The following PLA2G4E variants were observed in gnomAD, a reference collection of about 807,000 sequenced individuals.
The protein encoded by PLA2G4E is phospholipase A2 group IVE.
Under a neutral mutation model 109.1 loss-of-function variants are expected in PLA2G4E, and 84 were observed. That is an observed-to-expected ratio of 0.77 (90% CI 0.65 to 0.92). The LOEUF is 0.92. Among genes scored for constraint, PLA2G4E ranks in the 40% least tolerant of loss-of-function variants. PLA2G4E has a pLI of 0.00. For missense variants in PLA2G4E, 1,057 were observed against 1,076.6 expected, an observed-to-expected ratio of 0.98 and a Z score of 0.25; for synonymous variants, 469 against 436.1, an observed-to-expected ratio of 1.08 and a Z score of -0.94.
At chr15:42,022,825 G>T (rs1318597292) in intron 1 of PLA2G4E, among the ~76,000 whole-genome samples, 1 of 152,178 alleles carries the variant, frequency 6.6e-6, no homozygotes, top group East Asian at 1.9e-4. Flanking sequence ...GGGGCCCCTG[G>T]TTTACAGAGC....
At chr15:42,014,028 G>A (rs1030330284) in intron 1 of PLA2G4E, among the ~76,000 whole-genome samples, 1 of 151,604 alleles carries the variant, frequency 6.6e-6, no homozygotes, top group Non-Finnish European at 1.5e-5. Flanking sequence ...TGTAGCTGGG[G>A]TTACAGGTGT....
intron 1 of PLA2G4E, among the ~76,000 whole-genome samples, chr15:42,043,174 ACCATGCC>A (rs1468531126): frequency 6.6e-6 from 1 of 152,130 alleles, no homozygotes; most frequent in Non-Finnish European, 1.5e-5. Context: ...TCTCCATCCC[ACCATGCC>A]CCAGATTCAG....
At chr15:42,030,880 A>G (rs1449292477) in intron 1 of PLA2G4E, among the ~76,000 whole-genome samples, 1 of 152,218 alleles carries the variant, frequency 6.6e-6, no homozygotes, top group East Asian at 1.9e-4. Context: ...GTGTAACAAG[A>G]GTTTACTTTT....
Position 41,984,317 on chromosome 15 carries a change from G to A in PLA2G4E, c.2386+119C>T, listed in dbSNP as rs894484930. On this transcript the variant is annotated intron_variant, in intron 19 of 19. Transcript: ENST00000399518. The stretch of plus-strand genomic sequence containing the variant: ...GCCCTTCTTTGTGGAAGCCAAGGTT[G>A]GCTCAGGCTGGAGCTGAGCCAGGCT... 10 of 1,116,946 alleles carry A rather than the reference G, an allele frequency of 9.0e-6. No homozygotes were observed. In the African/African-American group the frequency reaches 1.6e-4, roughly 18 times the overall value. The allele number at this position is 1,116,946 out of a possible 1,614,324, so 69.2% of individuals were successfully genotyped here.
intron 1 of PLA2G4E, among the ~76,000 whole-genome samples, chr15:42,042,132 T>A (rs1353294841): frequency 6.6e-6 from 1 of 152,230 alleles, no homozygotes; most frequent in Non-Finnish European, 1.5e-5. Flanking sequence ...ACAACCTAGA[T>A]GATATGATGT....
At chr15:42,004,952 G>A (rs2068460013) in exon 5 of PLA2G4E, 19 of 1,613,310 alleles carry the variant, frequency 1.2e-5, no homozygotes, top group Non-Finnish European at 1.5e-5. Flanking sequence ...CCTCCAGCAG[G>A]AACTCCACCT....
chr15:41,986,346 C>T (rs143740013), intron 17 of PLA2G4E, among the ~76,000 whole-genome samples: 9 of 152,248 alleles, frequency 5.9e-5, no homozygotes, highest in Non-Finnish European at 1.0e-4. Flanking sequence ...TTGCAGGCCA[C>T]GGCCAATTAA....
intron 5 of PLA2G4E, among the ~76,000 whole-genome samples, chr15:42,003,526 G>A (rs2068442043): frequency 6.6e-6 from 1 of 152,262 alleles, no homozygotes; most frequent in Admixed American, 6.5e-5. Flanking sequence ...CAGCCTAGGA[G>A]TTTTCCCCGC....
intron 1 of PLA2G4E, among the ~76,000 whole-genome samples, chr15:42,039,314 A>G (rs1310325701): frequency 1.3e-5 from 2 of 152,228 alleles, no homozygotes; most frequent in African/African-American, 4.8e-5. Context: ...ATCACATAAT[A>G]TGCTCAATAT....
intron 1 of PLA2G4E, among the ~76,000 whole-genome samples, chr15:42,048,648 A>G (rs1889457404): frequency 6.6e-6 from 1 of 152,182 alleles, no homozygotes; most frequent in African/African-American, 2.4e-5. Flanking sequence ...TAACAATGAC[A>G]GCGAGCCGCA....
exon 20 of PLA2G4E, chr15:41,982,144 C>T (rs2068075857): frequency 6.6e-6 from 1 of 152,228 alleles, no homozygotes. Context: ...CTGGTTTCCT[C>T]ACAACCCAAA....
chr15:42,008,062 G>A (rs1362704013), intron 2 of PLA2G4E, among the ~76,000 whole-genome samples, 197 bp from the exon 3 acceptor site: 5 of 152,196 alleles, frequency 3.3e-5, no homozygotes, highest in Admixed American at 2.6e-4. Context: ...CGCAGAGGGC[G>A]ACCCAATCCC....
intron 13 of PLA2G4E, among the ~76,000 whole-genome samples, chr15:41,992,105 T>C (rs1187498522): frequency 2.0e-5 from 3 of 152,252 alleles, no homozygotes; most frequent in South Asian, 2.1e-4. Flanking sequence ...AGGAACCTCA[T>C]TGGGCCCACT....
intron 7 of PLA2G4E, among the ~76,000 whole-genome samples, chr15:42,000,565 G>A (rs1291321358): frequency 6.6e-6 from 1 of 152,202 alleles, no homozygotes; most frequent in East Asian, 1.9e-4. Flanking sequence ...TTTGCCAGAA[G>A]ATGCCCCAAA....
At chr15:42,010,834 C>T (rs533430337) in intron 2 of PLA2G4E, among the ~76,000 whole-genome samples, 3 of 146,762 alleles carry the variant, frequency 2.0e-5, no homozygotes, top group South Asian at 2.2e-4. Context: ...TTTCAGTTAT[C>T]GAGGAGTCAG....
At chr15:42,025,496 C>A (rs2068686230) in intron 1 of PLA2G4E, among the ~76,000 whole-genome samples, 1 of 152,000 alleles carries the variant, frequency 6.6e-6, no homozygotes, top group Non-Finnish European at 1.5e-5. Context: ...CTCCCCCCAC[C>A]CCCCACTGGA....
chr15:42,042,008 G>A (rs887339826), intron 1 of PLA2G4E, among the ~76,000 whole-genome samples: 83 of 152,304 alleles, frequency 5.4e-4, no homozygotes, highest in African/African-American at 1.9e-3. Flanking sequence ...TGACTTCTCT[G>A]CCAACTTGAC....
Position 41,999,913 on chromosome 15 carries a change from T to C in PLA2G4E, c.936+4A>G. ...AGGGGCCCTTCCCAGACTCAGGCAC[T>C]CACCACAGGCAGGGTCATCACCTGA... is the stretch of plus-strand genomic sequence containing the variant. On this transcript the variant is annotated splice_donor_region_variant and intron_variant, in intron 9 of 19. Coordinates refer to ENST00000399518, the Ensembl canonical transcript of PLA2G4E. 6.2e-7 allele frequency: 1 copy of C among 1,607,148 alleles called. No homozygotes were observed. The highest frequency in any genetic ancestry group is 8.5e-7 in the Non-Finnish European group (1 of 1,176,864).
At chr15:41,999,888 AG>A in intron 9 of PLA2G4E, 28 bp downstream of exon 9, 1 of 1,578,088 alleles carries the variant, frequency 6.3e-7, no homozygotes, top group Non-Finnish European at 8.6e-7. Context: ...GAAGTAAGTC[AG>A]GGGCCCTTCC....
Sources: gnomAD v4.1 joint callset for allele counts (sites outside exome capture counted in the v4.1 genomes callset) on GRCh38, gnomAD v4.1.1 for gene constraint, MANE v1.5 for transcripts, NCBI Gene and HGNC (gene_info 2026-07-23, HGNC 2026-07-21) for gene names.